UBXN4: variants seen among roughly 807,000 people sequenced by gnomAD.
UBXN4 encodes UBX domain protein 4.
In UBXN4, 35 loss-of-function variants were observed where a neutral mutation model predicts 66.2. That is an observed-to-expected ratio of 0.53 (90% CI 0.40 to 0.70). The LOEUF is 0.70. Among genes scored for constraint, UBXN4 ranks in the 30% least tolerant of loss-of-function variants. UBXN4 has a pLI of 0.00. For missense variants in UBXN4, 533 were observed against 599.8 expected (o/e 0.89, Z 1.16); for synonymous variants, 203 against 204.5 (o/e 0.99, Z 0.06).
intron 2 of UBXN4, among the ~76,000 whole-genome samples, chr2:135,750,136 A>G (rs2077232922): frequency 6.6e-6 from 1 of 152,146 alleles, no homozygotes; most frequent in African/African-American, 2.4e-5. Flanking sequence ...ACCTAAAAAC[A>G]TTATTATTTA....
intron 5 of UBXN4, among the ~76,000 whole-genome samples, chr2:135,759,452 T>G (rs1400920030): frequency 6.6e-6 from 1 of 152,162 alleles, no homozygotes; most frequent in Non-Finnish European, 1.5e-5. Context: ...AGATTTCTGC[T>G]CTCCCTGGTA....
chr2:135,755,413 T>A (rs2077273402), intron 4 of UBXN4, 104 bp from the exon 5 acceptor site: 2 of 847,492 alleles, frequency 2.4e-6, no homozygotes, highest in Non-Finnish European at 3.2e-6. Flanking sequence ...CATTTCGTAT[T>A]TCTCTTTTTA....
chr2:135,758,616 G>A (rs756875931), intron 5 of UBXN4, among the ~76,000 whole-genome samples: 1 of 151,906 alleles, frequency 6.6e-6, no homozygotes, highest in Non-Finnish European at 1.5e-5. Context: ...CTAGCTTCAT[G>A]GCCAATATTC....
At chr2:135,777,787 G>A (rs546023996) in intron 10 of UBXN4, among the ~76,000 whole-genome samples, 21 of 152,040 alleles carry the variant, frequency 1.4e-4, no homozygotes, top group Admixed American at 2.0e-4. Flanking sequence ...GGAGGCTGAG[G>A]CAGGAGAATC....
intron 5 of UBXN4, among the ~76,000 whole-genome samples, chr2:135,760,573 C>T (rs927550392): frequency 2.0e-5 from 3 of 152,208 alleles, no homozygotes; most frequent in Non-Finnish European, 4.4e-5. Context: ...GTCATAGATT[C>T]ACCTAACTGT....
At position 135,767,608 on chromosome 2, in the gene UBXN4, G is replaced by A. The variant is rs1250327176; in HGVS notation, c.603-2161G>A. 2.0e-5 allele frequency among the ~76,000 whole-genome samples: 3 copies of A among 152,262 alleles called. No homozygotes were observed. In the Middle Eastern group the frequency reaches 0.01, roughly 518 times the overall value. On this transcript the variant is annotated intron_variant, in intron 6 of 12. Coordinates refer to ENST00000272638, the MANE Select transcript of UBXN4 (RefSeq NM_014607.4). ...TCACAGTAATTGGTGCACTCTCATT[G>A]CTTTATAGTATTCTGTTTGACTCTA...
In UBXN4 at chr2:135,770,632, G is replaced by C; in HGVS notation, c.719G>C (p.Arg240Thr). 2 of 1,559,992 alleles carry C rather than the reference G, an allele frequency of 1.3e-6. No homozygotes were observed. The highest frequency in any genetic ancestry group is 1.7e-6 in the Non-Finnish European group (2 of 1,159,226). ...GGAAAAGAAATGTTGGATTATAAAA[G>C]AAAACAAGAAGAAGAATTAACAAAA... ...KTGKEMLDYK[R>T]KQEEELTKRM... The change falls in exon 8 of 13, where the codon AGA becomes ACA. Residue 240 changes from arginine to threonine, a missense_variant. Arg to Thr is a moderately conservative substitution (Grantham distance 71, BLOSUM62 -1). Around this residue, in one of 2 missense-constraint regions of UBXN4, gnomAD observed 529 missense variants for 580.1 expected, o/e 0.91. Coordinates refer to ENST00000272638, the MANE Select transcript of UBXN4 (RefSeq NM_014607.4).
At chr2:135,772,289 C>A in intron 8 of UBXN4, 131 bp from the exon 9 acceptor site, 1 of 1,109,266 alleles carries the variant, frequency 9.0e-7, no homozygotes, top group Non-Finnish European at 1.2e-6. Flanking sequence ...TGCCACTGCA[C>A]TCCAGCCTTG....
chr2:135,778,688 A>T (rs1360117504), intron 10 of UBXN4, among the ~76,000 whole-genome samples: 1 of 152,160 alleles, frequency 6.6e-6, no homozygotes, highest in Non-Finnish European at 1.5e-5. Flanking sequence ...TTTTTACTCA[A>T]TTTATTTGTG....
Position 135,772,328 on chromosome 2 carries a change from A to T in UBXN4, c.823-92A>T, listed in dbSNP as rs952569367. Reference sequence around the variant, plus strand: ...ACACAGCAAGACCCTGTCTCTTAATAAAAAAAAAAAATTCCATGCATATTT... The same window carrying T: ...ACACAGCAAGACCCTGTCTCTTAATTAAAAAAAAAAATTCCATGCATATTT... On this transcript the variant is annotated intron_variant, in intron 8 of 12. Coordinates refer to ENST00000272638, the MANE Select transcript of UBXN4 (RefSeq NM_014607.4). 14 of 738,940 alleles carry T rather than the reference A, an allele frequency of 1.9e-5. No homozygotes were observed. In the African/African-American group the frequency reaches 2.5e-4, roughly 13 times the overall value. 45.8% of individuals were successfully genotyped at this position (738,940 alleles called of 1,614,324 possible).
rs1412243653 is a variant in UBXN4 at position 135,746,190 on chromosome 2, ACTC to A, written c.83-2074_83-2072del. The stretch of plus-strand genomic sequence containing the variant: ...ACTTTTCCATGGTCAAATTTCTCAA[ACTC>A]CTATTTCTGGTATTCCTGAATCTCA... On this transcript the variant is annotated intron_variant, in intron 1 of 12. Coordinates refer to ENST00000272638, the MANE Select transcript of UBXN4 (RefSeq NM_014607.4). 2.6e-5 allele frequency among the ~76,000 whole-genome samples: 4 copies of A among 151,260 alleles called. No homozygotes were observed. The East Asian group carries it at 7.8e-4, about 29-fold the overall frequency.
Position 135,741,860 on chromosome 2 carries a change from C to G in UBXN4, c.-70C>G. 2 of 1,524,774 alleles carry G rather than the reference C, an allele frequency of 1.3e-6. No homozygotes were observed. The highest frequency in any genetic ancestry group is 1.8e-6 in the Non-Finnish European group (2 of 1,126,850). The allele number at this position is 1,524,774 out of a possible 1,614,324, so 94.5% of individuals were successfully genotyped here. On this transcript the variant is annotated 5_prime_UTR_variant, in exon 1 of 13. Coordinates refer to ENST00000272638, the MANE Select transcript of UBXN4 (RefSeq NM_014607.4). ...CGGGGGCCGCAGAGCCGGACGAAGA[C>G]GGAGGGCGGAGCCGGCTTCGGGACT... is the stretch of plus-strand genomic sequence containing the variant.
In UBXN4 at chr2:135,780,389, T is replaced by A; in HGVS notation, c.1388+4T>A. On this transcript the variant is annotated splice_donor_region_variant and intron_variant, in intron 12 of 12. Transcript: ENST00000272638. ...CATCTAGCAAATCAGAAAAAAGGTA[T>A]CTGTGTGTGTTTTCCCCATTTATAA... 6.2e-7 allele frequency: 1 copy of A among 1,612,862 alleles called. No homozygotes were observed. The highest frequency in any genetic ancestry group is 8.5e-7 in the Non-Finnish European group (1 of 1,178,836).
At chr2:135,775,483 C>G (rs1417071429) in intron 9 of UBXN4, among the ~76,000 whole-genome samples, 2 of 152,136 alleles carry the variant, frequency 1.3e-5, no homozygotes, top group African/African-American at 4.8e-5. Context: ...CTGATACCTG[C>G]AACAACATGG....
At chr2:135,744,729 C>G (rs1353444734) in intron 1 of UBXN4, among the ~76,000 whole-genome samples, 2 of 152,152 alleles carry the variant, frequency 1.3e-5, no homozygotes. Flanking sequence ...ACTGCCGATA[C>G]AAAGGATATG....
chr2:135,779,388 G>T (rs997906678), intron 11 of UBXN4, among the ~76,000 whole-genome samples: 1 of 152,150 alleles, frequency 6.6e-6, no homozygotes, highest in African/African-American at 2.4e-5. Context: ...CACACACTTA[G>T]TGTCTTTTAT....
At chr2:135,762,000 A>G in intron 6 of UBXN4, 89 bp downstream of exon 6, 1 of 1,323,518 alleles carries the variant, frequency 7.6e-7, no homozygotes, top group Admixed American at 2.7e-5. Context: ...CTAAAGTTAT[A>G]CAAATGAAGT....
At chr2:135,777,283 G>A (rs1276256422) in intron 10 of UBXN4, among the ~76,000 whole-genome samples, 3 of 152,088 alleles carry the variant, frequency 2.0e-5, no homozygotes, top group Admixed American at 6.5e-5. Flanking sequence ...CTCATTATAT[G>A]TATCAGTATT....
chr2:135,779,157 G>A, intron 11 of UBXN4, 78 bp downstream of exon 11: 1 of 1,418,806 alleles, frequency 7.0e-7, no homozygotes, highest in Non-Finnish European at 9.3e-7. Flanking sequence ...ATAATTAGGG[G>A]AAAGGAAGTG....
Sources: allele counts gnomAD v4.1 joint callset (sites outside exome capture counted in the v4.1 genomes callset), GRCh38; gene constraint gnomAD v4.1.1; regional missense constraint gnomAD v4.1.1; transcripts MANE v1.5; gene names NCBI Gene and HGNC (gene_info 2026-07-23, HGNC 2026-07-21).